ZPLD1: variants seen among roughly 807,000 people sequenced by gnomAD.
ZPLD1 encodes the protein zona pellucida-like domain-containing protein 1.
In ZPLD1, 34 loss-of-function variants were observed where a neutral mutation model predicts 47.2. The observed-to-expected ratio is 0.72, with a 90% CI of 0.55 to 0.96. The LOEUF (loss-of-function observed/expected upper bound fraction) is 0.96. Among genes scored for constraint, ZPLD1 ranks in the 40% least tolerant of loss-of-function variants. The pLI is 0.00. For missense variants in ZPLD1, 512 were observed against 505.8 expected (o/e 1.01, Z -0.12); for synonymous variants, 176 against 186.2 (o/e 0.95, Z 0.45).
At chr3:102,469,750 ACTGAG>A (rs1326235985) in intron 9 of ZPLD1, among the ~76,000 whole-genome samples, 2 of 152,198 alleles carry the variant, frequency 1.3e-5, no homozygotes, top group Non-Finnish European at 2.9e-5. Flanking sequence ...TCGGGAAATC[ACTGAG>A]CTTAAAAGTT....
chr3:102,393,328 T>G (rs896948932), intron 7 of ZPLD1, among the ~76,000 whole-genome samples: 1 of 152,174 alleles, frequency 6.6e-6, no homozygotes, highest in Non-Finnish European at 1.5e-5. Flanking sequence ...AATCACAGGC[T>G]TTTGTCTAGA....
At chr3:102,401,010 C>T (rs1225987616) in intron 7 of ZPLD1, among the ~76,000 whole-genome samples, 1 of 152,028 alleles carries the variant, frequency 6.6e-6, no homozygotes, top group African/African-American at 2.4e-5. Flanking sequence ...CATTTTCTAA[C>T]CCATTGCACC....
At chr3:102,408,138 C>G (rs1225619738) in intron 7 of ZPLD1, among the ~76,000 whole-genome samples, 1 of 151,808 alleles carries the variant, frequency 6.6e-6, no homozygotes, top group Non-Finnish European at 1.5e-5. Flanking sequence ...ACATCGATGT[C>G]CCAGATGCCC....
chr3:102,418,166 A>G (rs573306970), exon 8 of ZPLD1: 18 of 152,758 alleles, frequency 1.2e-4, no homozygotes, highest in African/African-American at 4.3e-4. Flanking sequence ...GGCAGAACCT[A>G]GCACATGGAG....
chr3:102,435,070 T>G lies in ZPLD1; in HGVS notation c.-207T>G, dbSNP rs1707066051. The G allele has an allele frequency of 6.2e-7, 1 of 1,610,190 alleles. No homozygotes were observed. The highest frequency in any genetic ancestry group is 2.2e-5 in the East Asian group (1 of 44,826). ...ATACAATTCAATTTCAGAAAAGTAT[T>G]TAGGGACTGTGCTAAAATAGCATCT... is the stretch of plus-strand genomic sequence containing the variant. On this transcript the variant is annotated 5_prime_UTR_variant, in exon 1 of 12. In the 5' UTR this introduces an upstream ATG that the reference lacks. Coordinates refer to ENST00000466937, the MANE Select transcript of ZPLD1 (RefSeq NM_001329788.2).
intron 10 of ZPLD1, among the ~76,000 whole-genome samples, chr3:102,470,775 T>A (rs1707671657): frequency 6.6e-6 from 1 of 151,554 alleles, no homozygotes; most frequent in South Asian, 2.1e-4. Flanking sequence ...ATGCTGGACC[T>A]GTTTTATTTA....
upstream of ZPLD1, among the ~76,000 whole-genome samples, chr3:102,432,930 A>G (rs192312953): frequency 9.9e-5 from 15 of 152,248 alleles, no homozygotes; most frequent in South Asian, 6.2e-4. Flanking sequence ...AAACTTCAAT[A>G]TTTCTTCCTT....
At position 102,469,006 on chromosome 3, in the gene ZPLD1, A is replaced by G. The variant is rs774779997; in HGVS notation, c.804A>G (p.Arg268=). The G allele has an allele frequency of 6.2e-7, 1 of 1,614,102 alleles. No individual in the cohort carries two copies. Among genetic ancestry groups the G allele is most frequent in the Admixed American group, 1.7e-5 (1 of 59,994 alleles). Residue 268 remains arginine (R), a synonymous_variant, in exon 9 of 12, where the codon CGA becomes CGG. Transcript: ENST00000466937. ...DPQTTVIENG[R]SQRGRFSFEV... is the part of the protein sequence containing the mutation. ...AGACCACCGTCATTGAGAATGGCCG[A>G]AGCCAGCGGGGCCGGTTTTCTTTTG...
chr3:102,420,134 T>C (rs1241496962), intron 8 of ZPLD1, among the ~76,000 whole-genome samples: 1 of 151,880 alleles, frequency 6.6e-6, no homozygotes, highest in African/African-American at 2.4e-5. Flanking sequence ...TATAGGAATT[T>C]CAAACTCTCA....
intron 7 of ZPLD1, among the ~76,000 whole-genome samples, chr3:102,404,549 G>C (rs1268987935): frequency 6.6e-6 from 1 of 151,964 alleles, no homozygotes; most frequent in Non-Finnish European, 1.5e-5. Flanking sequence ...TCAGTGAATA[G>C]CAAATCTCCT....
chr3:102,437,488 T>C (rs1348654267), intron 2 of ZPLD1, among the ~76,000 whole-genome samples: 2 of 152,240 alleles, frequency 1.3e-5, no homozygotes, highest in Non-Finnish European at 2.9e-5. Context: ...CCCAAGCTTT[T>C]AAAATCCACT....
intron 10 of ZPLD1, among the ~76,000 whole-genome samples, chr3:102,473,204 G>A (rs115145276): frequency 0.013 from 1,966 of 152,160 alleles, 45 homozygotes; most frequent in African/African-American, 0.045. Flanking sequence ...GACGCAAACC[G>A]TATCGTTAGT....
At chr3:102,459,015 G>A (rs1431657350) in intron 6 of ZPLD1, among the ~76,000 whole-genome samples, 3 of 150,612 alleles carry the variant, frequency 2.0e-5, no homozygotes, top group East Asian at 3.9e-4. Flanking sequence ...GCGTGAACCC[G>A]GGAGGCGGAG....
upstream of ZPLD1, among the ~76,000 whole-genome samples, chr3:102,434,734 A>G (rs1707060818): frequency 6.6e-6 from 1 of 152,182 alleles, no homozygotes; most frequent in South Asian, 2.1e-4. Context: ...AACCACTATT[A>G]AAATCCAAGC....
intron 4 of ZPLD1, 95 bp downstream of exon 4, chr3:102,453,234 G>A: frequency 1.8e-6 from 2 of 1,134,864 alleles, no homozygotes; most frequent in African/African-American, 1.6e-5. Context: ...TATCTCTTGA[G>A]AAAAAAAATA....
At chr3:102,434,871 C>A, upstream of ZPLD1, 1 of 454,688 alleles carries the variant, frequency 2.2e-6, no homozygotes, top group Non-Finnish European at 4.0e-6. Flanking sequence ...CCAGAGTAAA[C>A]CACAGAATCA....
upstream of ZPLD1, among the ~76,000 whole-genome samples, chr3:102,434,393 G>T (rs560483002): frequency 6.6e-6 from 1 of 152,204 alleles, no homozygotes; most frequent in South Asian, 2.1e-4. Flanking sequence ...TATGTTGGAA[G>T]AAGTCATTTT....
intron 3 of ZPLD1, among the ~76,000 whole-genome samples, chr3:102,447,866 G>A (rs917865280): frequency 6.6e-6 from 1 of 152,058 alleles, no homozygotes; most frequent in South Asian, 2.1e-4. Context: ...AACTTTATAG[G>A]GGGTAAAGAA....
At chr3:102,390,433 A>T (rs956661498) in intron 6 of ZPLD1, among the ~76,000 whole-genome samples, 3 of 152,222 alleles carry the variant, frequency 2.0e-5, no homozygotes, top group African/African-American at 7.2e-5. Context: ...GAAATAGGGC[A>T]TATGTGCTTT....
Sources: allele counts gnomAD v4.1 joint callset (sites outside exome capture counted in the v4.1 genomes callset), GRCh38; gene constraint gnomAD v4.1.1; transcripts MANE v1.5; gene names NCBI Gene and HGNC (gene_info 2026-07-23, HGNC 2026-07-21).